STK32B: variants seen among roughly 807,000 people sequenced by gnomAD.
The protein encoded by STK32B is serine/threonine-protein kinase 32B.
In STK32B, 43 loss-of-function variants were observed where a neutral mutation model predicts 52.6. The ratio of observed to expected loss-of-function variants is 0.82; its 90% CI spans 0.64 to 1.05. The LOEUF (loss-of-function observed/expected upper bound fraction) is 1.05. Among genes scored for constraint, STK32B ranks in the 50% least tolerant of loss-of-function variants. STK32B has a pLI of 0.00. For missense variants in STK32B, 621 were observed against 534.6 expected (o/e 1.16, Z -1.59); for synonymous variants, 238 against 204.3 (o/e 1.17, Z -1.41).
At chr4:5,483,769 G>C (rs186452801) in intron 11 of STK32B, among the ~76,000 whole-genome samples, 12 of 152,236 alleles carry the variant, frequency 7.9e-5, no homozygotes, top group Admixed American at 2.0e-4. Flanking sequence ...ATGTGTCCTA[G>C]AGATTCTGGT....
At chr4:5,464,115 G>A (rs763671300) in intron 9 of STK32B, among the ~76,000 whole-genome samples, 1 of 152,074 alleles carries the variant, frequency 6.6e-6, no homozygotes, top group East Asian at 1.9e-4. Flanking sequence ...GTGGGGGTGG[G>A]GGGTGCCACA....
At chr4:5,246,633 G>C (rs182537774) in intron 3 of STK32B, among the ~76,000 whole-genome samples, 1 of 152,134 alleles carries the variant, frequency 6.6e-6, no homozygotes, top group African/African-American at 2.4e-5. Flanking sequence ...CGTTCCTTTG[G>C]AGGAGGAGAG....
At chr4:5,170,921 C>T (rs1719317842) in intron 3 of STK32B, among the ~76,000 whole-genome samples, 1 of 152,192 alleles carries the variant, frequency 6.6e-6, no homozygotes, top group South Asian at 2.1e-4. Context: ...TTTACAGTCC[C>T]ACCAACAGTG....
At chr4:5,192,816 C>G (rs754817165) in intron 3 of STK32B, among the ~76,000 whole-genome samples, 13 of 152,148 alleles carry the variant, frequency 8.5e-5, no homozygotes, top group Non-Finnish European at 1.8e-4. Flanking sequence ...ACATTAGAGC[C>G]CAGGGCCGCC....
intron 6 of STK32B, among the ~76,000 whole-genome samples, chr4:5,429,262 T>C (rs985630573): frequency 7.2e-5 from 11 of 152,170 alleles, no homozygotes; most frequent in Non-Finnish European, 1.6e-4. Flanking sequence ...TGTCTTTTCA[T>C]TGATATTTAG....
At chr4:5,079,846 T>C (rs528554574) in intron 1 of STK32B, among the ~76,000 whole-genome samples, 8 of 152,226 alleles carry the variant, frequency 5.3e-5, no homozygotes, top group African/African-American at 1.4e-4. Context: ...TTATGCTAAA[T>C]GTAGTAAGCC....
chr4:5,253,653 G>T (rs1311110936), intron 3 of STK32B, among the ~76,000 whole-genome samples: 2 of 152,026 alleles, frequency 1.3e-5, no homozygotes, highest in Non-Finnish European at 2.9e-5. Flanking sequence ...GGGATTACAG[G>T]CGTGAGACAC....
At chr4:5,139,144 T>G (rs1260207593) in intron 1 of STK32B, among the ~76,000 whole-genome samples, 2 of 152,174 alleles carry the variant, frequency 1.3e-5, no homozygotes, top group Non-Finnish European at 2.9e-5. Context: ...TGTGAGACAC[T>G]GTGCAGAGAC....
At chr4:5,218,065 A>G (rs918115742) in intron 3 of STK32B, among the ~76,000 whole-genome samples, 3 of 152,080 alleles carry the variant, frequency 2.0e-5, no homozygotes, top group African/African-American at 7.2e-5. Context: ...CCTCATTACC[A>G]ACCTTTCAGG....
chr4:5,352,171 G>A (rs1733870000), intron 4 of STK32B, among the ~76,000 whole-genome samples: 1 of 152,030 alleles, frequency 6.6e-6, no homozygotes, highest in Admixed American at 6.6e-5. Context: ...CAATATTCCT[G>A]ATGACCTTAG....
chr4:5,453,550 G>T lies in STK32B; in HGVS notation c.667-3257G>T, dbSNP rs576057618. On this transcript the variant is annotated intron_variant, in intron 7 of 11. Coordinates refer to ENST00000282908, the MANE Select transcript of STK32B (RefSeq NM_018401.3). This position sits in a 1 kb window ranked among gnomAD's most constrained non-coding sequence, Gnocchi z 4.0. Reference sequence around the variant, plus strand: ...CACCTCCTTTTCAGGGTAGGGGTGGGACTGTTTTGGGCAGAACTGTTTATT... The same window carrying T: ...CACCTCCTTTTCAGGGTAGGGGTGGTACTGTTTTGGGCAGAACTGTTTATT... 6.6e-6 allele frequency among the ~76,000 whole-genome samples: 1 copy of T among 152,214 alleles called. No individual in the cohort carries two copies. Among genetic ancestry groups the T allele is most frequent in the African/African-American group, 2.4e-5 (1 of 41,532 alleles).
At chr4:5,323,575 C>T (rs1275397052) in intron 3 of STK32B, among the ~76,000 whole-genome samples, 4 of 152,202 alleles carry the variant, frequency 2.6e-5, no homozygotes, top group South Asian at 2.1e-4. Context: ...GTGACATAAA[C>T]AGCAGGGCCT....
intron 4 of STK32B, among the ~76,000 whole-genome samples, chr4:5,337,144 AAT>A (rs1491530245): frequency 1.5e-4 from 6 of 39,758 alleles, no homozygotes; most frequent in African/African-American, 3.9e-4. Flanking sequence ...ATCCCTGGCC[AAT>A]TTTTTTTTTT....
chr4:5,340,536 A>G (rs545059609), intron 4 of STK32B, among the ~76,000 whole-genome samples: 2 of 152,138 alleles, frequency 1.3e-5, no homozygotes, highest in Admixed American at 6.5e-5. Context: ...TGATGGGTTA[A>G]AGCTTGGGAG....
At chr4:5,292,804 G>C (rs1224906655) in intron 3 of STK32B, among the ~76,000 whole-genome samples, 1 of 151,588 alleles carries the variant, frequency 6.6e-6, no homozygotes, top group Admixed American at 6.6e-5. Flanking sequence ...TTTAAGTTCT[G>C]GGATACATGT....
At chr4:5,049,465 G>A (rs1051470964), upstream of STK32B, among the ~76,000 whole-genome samples, 1 of 152,186 alleles carries the variant, frequency 6.6e-6, no homozygotes, top group African/African-American at 2.4e-5. Context: ...TCAGCGAAGA[G>A]AGATATGGGT....
At chr4:5,417,823 T>G (rs1712287609) in intron 6 of STK32B, among the ~76,000 whole-genome samples, 1 of 152,222 alleles carries the variant, frequency 6.6e-6, no homozygotes, top group African/African-American at 2.4e-5. Flanking sequence ...CCAAGTGGTT[T>G]TTCCTCAGGT....
intron 6 of STK32B, among the ~76,000 whole-genome samples, chr4:5,444,304 T>C (rs1259040429): frequency 1.3e-5 from 2 of 152,226 alleles, no homozygotes; most frequent in Admixed American, 1.3e-4. Context: ...AATCTTGTGG[T>C]GCACCGTTTT....
intron 1 of STK32B, among the ~76,000 whole-genome samples, chr4:5,053,726 T>TA (rs1007151267): frequency 1.3e-5 from 2 of 152,150 alleles, no homozygotes; most frequent in African/African-American, 4.8e-5. Context: ...CTCATGCCTG[T>TA]AATCCCAGTA....
Sources: gnomAD v4.1 joint callset for allele counts (sites outside exome capture counted in the v4.1 genomes callset) on GRCh38, gnomAD v4.1.1 for gene constraint, Gnocchi (gnomAD v3.1) non-coding constraint, MANE v1.5 for transcripts, NCBI Gene and HGNC (gene_info 2026-07-23, HGNC 2026-07-21) for gene names.